Variants in GAS7 observed in about 807,000 individuals in gnomAD.
The protein encoded by GAS7 is growth arrest specific 7, also known as growth arrest-specific protein 7.
Under a neutral mutation model 71.1 loss-of-function variants are expected in GAS7, and 28 were observed. The observed-to-expected ratio is 0.39, with a 90% CI of 0.29 to 0.54. The LOEUF (loss-of-function observed/expected upper bound fraction) is 0.54. GAS7 is among the 20% of genes least tolerant of loss of function. GAS7 has a pLI of 0.62. For missense variants in GAS7, 436 were observed against 627.8 expected (o/e 0.69, Z 3.27); for synonymous variants, 258 against 245.8 (o/e 1.05, Z -0.46).
intron 9 of GAS7, among the ~76,000 whole-genome samples, chr17:9,930,889 G>A (rs2068185704): frequency 6.6e-6 from 1 of 152,244 alleles, no homozygotes; most frequent in Non-Finnish European, 1.5e-5. Context: ...AAGCAGCCGA[G>A]AGCCTCTCGT....
intron 2 of GAS7, among the ~76,000 whole-genome samples, chr17:9,989,440 C>T (rs2070760503): frequency 1.3e-5 from 2 of 152,186 alleles, no homozygotes; most frequent in Admixed American, 1.3e-4. Flanking sequence ...ACTCCTCCTC[C>T]TTCAGCTTAA....
At chr17:9,922,687 T>C (rs1361537422) in intron 11 of GAS7, among the ~76,000 whole-genome samples, 1 of 152,166 alleles carries the variant, frequency 6.6e-6, no homozygotes, top group Non-Finnish European at 1.5e-5. Flanking sequence ...AATAGCAAGA[T>C]TAGAAAACAA....
chr17:10,128,624 CTTTT>C (rs1486697602), intron 1 of GAS7, among the ~76,000 whole-genome samples: 1 of 150,376 alleles, frequency 6.6e-6, no homozygotes, highest in Non-Finnish European at 1.5e-5. Flanking sequence ...TTTGCTTTTT[CTTTT>C]CTCTTTTTTT....
At chr17:9,936,229 A>C (rs953796366) in intron 8 of GAS7, among the ~76,000 whole-genome samples, 1 of 152,154 alleles carries the variant, frequency 6.6e-6, no homozygotes, top group African/African-American at 2.4e-5. Context: ...AACTGGATTA[A>C]AGGGAAGTGA....
At chr17:10,009,762 C>T (rs2152187174) in intron 2 of GAS7, among the ~76,000 whole-genome samples, 1 of 150,740 alleles carries the variant, frequency 6.6e-6, no homozygotes, top group South Asian at 2.1e-4. Flanking sequence ...GTCCCAGCTA[C>T]TTGGAAGGCT....
Position 9,919,566 on chromosome 17 carries a change from C to G in GAS7, c.1218+60G>C. ...TCATCCCCGCGCCCACCAACAACCA[C>G]CAGGGGCTGCTCTGTGTCAGCCTCT... On this transcript the variant is annotated intron_variant, in intron 12 of 13. Transcript: ENST00000432992. The surrounding 1 kb of genome is among the most constrained non-coding windows in gnomAD (Gnocchi z 5.0). 8.0e-7 allele frequency: 1 copy of G among 1,242,632 alleles called. No homozygotes were observed. The highest frequency in any genetic ancestry group is 1.2e-6 in the Non-Finnish European group (1 of 840,366). The allele number at this position is 1,242,632 out of a possible 1,614,324, so 77.0% of individuals were successfully genotyped here.
chr17:10,171,794 T>C (rs1416115307), intron 1 of GAS7, among the ~76,000 whole-genome samples: 2 of 152,082 alleles, frequency 1.3e-5, no homozygotes, highest in Non-Finnish European at 2.9e-5. Context: ...ATCTGAGAAA[T>C]GGAATCCACC....
At chr17:9,936,484 C>G (rs2152086013) in intron 8 of GAS7, among the ~76,000 whole-genome samples, 1 of 152,260 alleles carries the variant, frequency 6.6e-6, no homozygotes, top group South Asian at 2.1e-4. Flanking sequence ...GGTTTTCCCC[C>G]ACCCAACACA....
Position 9,919,654 on chromosome 17 carries a change from C to T in GAS7, c.1190G>A (p.Trp397Ter). 1 of 1,610,554 alleles carries T rather than the reference C, an allele frequency of 6.2e-7. No individual in the cohort carries two copies. Among genetic ancestry groups the T allele is most frequent in the Non-Finnish European group, 8.5e-7 (1 of 1,178,520 alleles). Residue 397 changes from tryptophan (W) to a stop codon, truncating the protein, a stop_gained, in exon 12 of 14, where the codon TGG becomes TAG. Transcript: ENST00000432992. LOFTEE classifies it high-confidence loss of function. The surrounding 1 kb of genome is among the most constrained non-coding windows in gnomAD (Gnocchi z 5.0). ...TGTGGTGGTCACCATCTCTTCAAAC[C>T]ATTTGGACTGGGCCTGGTTGTAGAG... ...VDLYNQAQSKWFEEMVTTTLE... is the reference protein window; with the variant it reads ...VDLYNQAQSK
At chr17:10,063,616 G>C (rs186059351) in intron 1 of GAS7, among the ~76,000 whole-genome samples, 2 of 152,106 alleles carry the variant, frequency 1.3e-5, no homozygotes, top group Non-Finnish European at 2.9e-5. Context: ...TAATAATGGC[G>C]GTGCCGAGAT....
chr17:10,064,896 T>C (rs900886998), intron 1 of GAS7, among the ~76,000 whole-genome samples: 1 of 152,206 alleles, frequency 6.6e-6, no homozygotes, highest in Non-Finnish European at 1.5e-5. Context: ...GGTACAATCA[T>C]AGCTCACTGC....
chr17:10,131,449 C>T (rs1274582232), intron 1 of GAS7, among the ~76,000 whole-genome samples: 1 of 152,156 alleles, frequency 6.6e-6, no homozygotes. Context: ...ATGGCAAAAC[C>T]CTGTCTCTAC....
intron 1 of GAS7, among the ~76,000 whole-genome samples, chr17:10,088,880 G>A (rs147872491): frequency 2.6e-5 from 4 of 152,116 alleles, no homozygotes; most frequent in South Asian, 2.1e-4. Context: ...TTAGGAGGCC[G>A]GGCATGGTGG....
At position 10,057,382 on chromosome 17, in the gene GAS7, T is replaced by C. The variant is rs12450557; in HGVS notation, c.184-37485A>G. On this transcript the variant is annotated intron_variant, in intron 1 of 13. Coordinates refer to ENST00000432992, the MANE Select transcript of GAS7 (RefSeq NM_201433.2). ...CTGCCCGGCCCCCCATCGTCTGAGA[T>C]GTGGGGAGCGCCTCTGCCCTGCCGC... 6.4e-3 allele frequency among the ~76,000 whole-genome samples: 955 copies of C among 150,338 alleles called. 29 individuals carry two copies. In the East Asian group the frequency reaches 0.1, roughly 16 times the overall value.
chr17:9,997,076 T>C (rs566119631), intron 2 of GAS7, among the ~76,000 whole-genome samples: 3 of 152,044 alleles, frequency 2.0e-5, no homozygotes, highest in African/African-American at 7.3e-5. Flanking sequence ...GCCAGACTAG[T>C]TTAGCGTATG....
At chr17:9,970,932 T>TA (rs1326434714) in intron 3 of GAS7, among the ~76,000 whole-genome samples, 2 of 152,206 alleles carry the variant, frequency 1.3e-5, no homozygotes, top group Middle Eastern at 3.2e-3. Flanking sequence ...TGTAGAAATA[T>TA]AACTACATAA....
At chr17:10,149,918 T>C (rs775380295) in intron 1 of GAS7, among the ~76,000 whole-genome samples, 52 of 152,234 alleles carry the variant, frequency 3.4e-4, no homozygotes, top group Admixed American at 1.2e-3. Context: ...GAGACAGAAA[T>C]CGATTAGTAG....
At chr17:10,149,641 T>C (rs2074148696) in intron 1 of GAS7, among the ~76,000 whole-genome samples, 1 of 152,198 alleles carries the variant, frequency 6.6e-6, no homozygotes, top group Admixed American at 6.5e-5. Flanking sequence ...AAAAAACTTG[T>C]ACACCAATGT....
intron 9 of GAS7, among the ~76,000 whole-genome samples, chr17:9,933,817 C>G (rs1019034109): frequency 5.9e-5 from 9 of 152,140 alleles, no homozygotes; most frequent in African/African-American, 2.2e-4. Context: ...TGCACTCCAG[C>G]CTGGGCAACA....
Sources: gnomAD v4.1 joint callset for allele counts (sites outside exome capture counted in the v4.1 genomes callset) on GRCh38, gnomAD v4.1.1 for gene constraint, Gnocchi (gnomAD v3.1) non-coding constraint, MANE v1.5 for transcripts, NCBI Gene and HGNC (gene_info 2026-07-23, HGNC 2026-07-21) for gene names.